ZER1: variants seen among roughly 807,000 people sequenced by gnomAD.
The protein encoded by ZER1 is zyg-11 related cell cycle regulator.
A neutral mutation model predicts 78.8 loss-of-function variants in ZER1; 11 were observed. That is an observed-to-expected ratio of 0.14 (90% CI 0.09 to 0.23). ZER1 has a LOEUF of 0.23. Among genes scored for constraint, ZER1 ranks in the 10% least tolerant of loss-of-function variants. The pLI is 1.00. For missense variants in ZER1, 588 were observed against 996.9 expected (o/e 0.59, Z 5.52); for synonymous variants, 400 against 407.0 (o/e 0.98, Z 0.21).
intron 13 of ZER1, among the ~76,000 whole-genome samples, chr9:128,739,009 G>A (rs1482845723): frequency 1.3e-5 from 2 of 151,498 alleles, no homozygotes; most frequent in Non-Finnish European, 1.5e-5. Context: ...GTGCCACCAC[G>A]CCAGGTTAAT....
At chr9:128,741,118 G>A (rs1265807774) in intron 11 of ZER1, among the ~76,000 whole-genome samples, 1 of 152,192 alleles carries the variant, frequency 6.6e-6, no homozygotes, top group East Asian at 1.9e-4. Context: ...TTAGAGATCT[G>A]ACCTATGGGA....
rs1863825880 is a variant in ZER1 at position 128,755,433 on chromosome 9, C to T, written c.133G>A (p.Glu45Lys). 6.2e-7 allele frequency: 1 copy of T among 1,613,948 alleles called. No individual in the cohort carries two copies. Among genetic ancestry groups the T allele is most frequent in the African/African-American group, 1.3e-5 (1 of 74,880 alleles). Residue 45 changes from glutamate to lysine, a missense_variant, in exon 2 of 16, where the codon GAG (glutamate) becomes AAG (lysine). This residue lies in a region of ZER1 where 406 missense variants were observed against 660.1 expected (regional missense o/e 0.62). Coordinates refer to ENST00000291900, the MANE Select transcript of ZER1 (RefSeq NM_006336.4). The surrounding 1 kb of genome is among the most constrained non-coding windows in gnomAD (Gnocchi z 5.6). ...TCATTGACGAGCCGGTCACAGATCT[C>T]GCTGGGCAAGAAGATGTCCGGATGT... ...RLHPDIFLPS[E>K]ICDRLVNEYV...
At chr9:128,770,218 G>T (rs1381796672) in intron 1 of ZER1, among the ~76,000 whole-genome samples, 1 of 152,102 alleles carries the variant, frequency 6.6e-6, no homozygotes, top group East Asian at 1.9e-4. Context: ...CCACCTCTCA[G>T]GTTCAAATAA....
intron 1 of ZER1, among the ~76,000 whole-genome samples, chr9:128,758,115 G>T: frequency 6.8e-6 from 1 of 147,806 alleles, no homozygotes; most frequent in Non-Finnish European, 1.5e-5. Context: ...TTAATTTTTA[G>T]TTTAGGTTTT....
Position 128,755,377 on chromosome 9 carries a change from C to T in ZER1, c.158+31G>A. 6.2e-7 allele frequency: 1 copy of T among 1,612,544 alleles called. No homozygotes were observed. On this transcript the variant is annotated intron_variant, in intron 2 of 15. Coordinates refer to ENST00000291900, the MANE Select transcript of ZER1 (RefSeq NM_006336.4). The surrounding 1 kb of genome is among the most constrained non-coding windows in gnomAD (Gnocchi z 5.6). ...CTCTATACACATTCATGGTAAGACC[C>T]CTGCCCCTCCTCAGCCCTGGGTCTG... is the stretch of plus-strand genomic sequence containing the variant.
chr9:128,766,022 T>C (rs1036013338), intron 1 of ZER1, among the ~76,000 whole-genome samples: 2 of 152,184 alleles, frequency 1.3e-5, no homozygotes, highest in Non-Finnish European at 2.9e-5. Flanking sequence ...ACCAAATGTA[T>C]TAATGATCCT....
rs1863687883 is a variant in ZER1, at chr9:128,751,811, C to G, written c.924-284G>C. Among the ~76,000 whole-genome samples, 1 of 152,204 alleles carries G rather than the reference C, an allele frequency of 6.6e-6. No individual in the cohort carries two copies. The highest frequency in any genetic ancestry group is 1.5e-5 in the Non-Finnish European group (1 of 68,042). ...CACCTTTAGGTCTCACCAACAATCA[C>G]AAAGGGACAAGCTCAACTGAACACC... On this transcript the variant is annotated intron_variant, in intron 5 of 15. Coordinates refer to ENST00000291900, the MANE Select transcript of ZER1 (RefSeq NM_006336.4). This position sits in a 1 kb window ranked among gnomAD's most constrained non-coding sequence, Gnocchi z 5.4.
intron 1 of ZER1, among the ~76,000 whole-genome samples, chr9:128,758,978 T>C (rs1863952429): frequency 6.6e-6 from 1 of 151,992 alleles, no homozygotes; most frequent in Non-Finnish European, 1.5e-5. Flanking sequence ...TGTATCATGA[T>C]GTGTGTACTT....
chr9:128,749,148 C>T (rs898544754), intron 8 of ZER1, among the ~76,000 whole-genome samples: 33 of 150,134 alleles, frequency 2.2e-4, no homozygotes, highest in Admixed American at 1.8e-3. Flanking sequence ...GCCAACATGG[C>T]GAAACCCTGT....
At position 128,751,347 on chromosome 9, in the gene ZER1, C is replaced by T. The variant is rs942438183; in HGVS notation, c.1038+66G>A. The T allele has an allele frequency of 6.2e-7, 1 of 1,610,860 alleles. No individual in the cohort carries two copies. The highest frequency in any genetic ancestry group is 8.5e-7 in the Non-Finnish European group (1 of 1,177,562). Reference sequence around the variant, plus strand: ...CAGATCCCAGCTCAGTCTCCAGCCCCAGAATCCAGCTCCTTCTCTCTCCCA... The same window carrying T: ...CAGATCCCAGCTCAGTCTCCAGCCCTAGAATCCAGCTCCTTCTCTCTCCCA... On this transcript the variant is annotated intron_variant, in intron 6 of 15. Coordinates refer to ENST00000291900, the MANE Select transcript of ZER1 (RefSeq NM_006336.4). The surrounding 1 kb of genome is among the most constrained non-coding windows in gnomAD (Gnocchi z 5.4).
At chr9:128,757,634 A>G (rs1168817158) in intron 1 of ZER1, among the ~76,000 whole-genome samples, 1 of 152,206 alleles carries the variant, frequency 6.6e-6, no homozygotes, top group Non-Finnish European at 1.5e-5. Context: ...GGAAGTGCAC[A>G]GTAAAGCCAC....
intron 14 of ZER1, among the ~76,000 whole-genome samples, chr9:128,734,198 GATATA>G (rs1862976275): frequency 1.2e-5 from 1 of 83,196 alleles, no homozygotes; most frequent in Non-Finnish European, 2.5e-5. Context: ...ATATATAATA[GATATA>G]ATTTTTTTTT....
chr9:128,763,372 G>A (rs1589546401), intron 1 of ZER1, among the ~76,000 whole-genome samples: 1 of 152,212 alleles, frequency 6.6e-6, no homozygotes, highest in African/African-American at 2.4e-5. Context: ...CACTTGGTAC[G>A]ATGTGGCTTT....
intron 8 of ZER1, among the ~76,000 whole-genome samples, chr9:128,744,993 G>C (rs1034196815): frequency 6.6e-6 from 1 of 151,972 alleles, no homozygotes; most frequent in Non-Finnish European, 1.5e-5. Context: ...CATAAGCATG[G>C]GTTTCTTTAG....
intron 8 of ZER1, among the ~76,000 whole-genome samples, chr9:128,749,038 T>C (rs1337208478): frequency 6.8e-6 from 1 of 146,770 alleles, no homozygotes; most frequent in Non-Finnish European, 1.5e-5. Context: ...TATATATATA[T>C]ATATTGTGGC....
At chr9:128,739,368 T>C (rs1484517182) in intron 13 of ZER1, among the ~76,000 whole-genome samples, 1 of 151,338 alleles carries the variant, frequency 6.6e-6, no homozygotes, top group Admixed American at 6.6e-5. Flanking sequence ...CCGGGCGTGG[T>C]GGCGGGTGCC....
chr9:128,761,000 T>C (rs1004942249), intron 1 of ZER1, among the ~76,000 whole-genome samples: 4 of 149,998 alleles, frequency 2.7e-5, no homozygotes, highest in African/African-American at 9.8e-5. Context: ...CTACTAAAAA[T>C]ACAAAAAATT....
At chr9:128,763,310 C>A (rs550094337) in intron 1 of ZER1, among the ~76,000 whole-genome samples, 1 of 152,328 alleles carries the variant, frequency 6.6e-6, no homozygotes, top group South Asian at 2.1e-4. Context: ...CTTAACCCAC[C>A]AGGGTGTGCC....
At chr9:128,752,482 A>C (rs183304268) in intron 5 of ZER1, among the ~76,000 whole-genome samples, 191 bp downstream of exon 5, 1 of 152,138 alleles carries the variant, frequency 6.6e-6, no homozygotes, top group Non-Finnish European at 1.5e-5. Context: ...CACCATGTCC[A>C]GCTAAATTTT....
Sources: allele counts gnomAD v4.1 joint callset (sites outside exome capture counted in the v4.1 genomes callset), GRCh38; gene constraint gnomAD v4.1.1; regional missense constraint gnomAD v4.1.1; non-coding constraint Gnocchi (gnomAD v3.1); transcripts MANE v1.5; gene names NCBI Gene and HGNC (gene_info 2026-07-23, HGNC 2026-07-21).